Variants in PDE3A observed in about 807,000 individuals in gnomAD.
The protein encoded by PDE3A is cGMP-inhibited 3',5'-cyclic phosphodiesterase 3A.
In PDE3A, 43 loss-of-function variants were observed where a neutral mutation model predicts 98.3. The observed-to-expected ratio is 0.44, with a 90% CI of 0.34 to 0.56. The LOEUF (loss-of-function observed/expected upper bound fraction) is 0.56, where lower values mean the gene tolerates loss of function less well. Ranked by LOEUF, PDE3A falls within the 20% of genes least tolerant of loss-of-function variation. The probability of loss-of-function intolerance (pLI) is 0.01; values close to 1 mark genes in which losing one functional copy is unlikely to be tolerated. For missense variants in PDE3A, 1,427 were observed against 1,440.7 expected (o/e 0.99, Z 0.15); for synonymous variants, 663 against 567.9 (o/e 1.17, Z -2.38).
chr12:20,490,966 C>T (rs150849331), intron 1 of PDE3A, among the ~76,000 whole-genome samples: 7 of 152,056 alleles, frequency 4.6e-5, no homozygotes, highest in South Asian at 2.1e-4. Flanking sequence ...CCAGATATGA[C>T]GGTATGTGCC....
chr12:20,627,852 C>T (rs1323546041), intron 5 of PDE3A, among the ~76,000 whole-genome samples: 1 of 152,134 alleles, frequency 6.6e-6, no homozygotes, highest in East Asian at 1.9e-4. Flanking sequence ...ACAGATACCT[C>T]GGTAAACTTT....
intron 5 of PDE3A, among the ~76,000 whole-genome samples, chr12:20,623,824 G>GGATGTATTCTAGAAAGAATTTATGAT (rs1944196852): frequency 6.6e-6 from 1 of 151,964 alleles, no homozygotes; most frequent in African/African-American, 2.4e-5. Flanking sequence ...AATTTATGAT[G>GGATGTATTCTAGAAAGAATTTATGAT]GATGTATTCT....
chr12:20,456,705 G>T (rs1166673409), intron 1 of PDE3A, among the ~76,000 whole-genome samples: 1 of 152,044 alleles, frequency 6.6e-6, no homozygotes, highest in Non-Finnish European at 1.5e-5. Flanking sequence ...ATTGCATGGG[G>T]GTGCAACTAG....
intron 1 of PDE3A, among the ~76,000 whole-genome samples, chr12:20,471,082 T>A (rs756826713): frequency 2.7e-5 from 4 of 148,834 alleles, no homozygotes; most frequent in African/African-American, 1.0e-4. Flanking sequence ...ATTTCTGTGT[T>A]TTAAGCCACC....
intron 1 of PDE3A, among the ~76,000 whole-genome samples, chr12:20,536,274 C>G (rs1469745519): frequency 4.6e-5 from 7 of 151,952 alleles, no homozygotes; most frequent in African/African-American, 1.7e-4. Flanking sequence ...CAGTGCTTCT[C>G]AAATTTAAAT....
chr12:20,620,347 T>C (rs1944103695), intron 4 of PDE3A, among the ~76,000 whole-genome samples: 2 of 152,150 alleles, frequency 1.3e-5, no homozygotes, highest in African/African-American at 4.8e-5. Flanking sequence ...AGTACCAAAT[T>C]TACTAGTGCT....
At chr12:20,522,330 C>A (rs1311055772) in intron 1 of PDE3A, among the ~76,000 whole-genome samples, 1 of 152,166 alleles carries the variant, frequency 6.6e-6, no homozygotes, top group Non-Finnish European at 1.5e-5. Context: ...GCTAGAAATG[C>A]AAATTCTCAA....
chr12:20,604,834 T>C (rs567888899), intron 2 of PDE3A, among the ~76,000 whole-genome samples: 43 of 152,340 alleles, frequency 2.8e-4, no homozygotes, highest in African/African-American at 1.0e-3. Context: ...CTGAAGTGAC[T>C]GGAGTTTCAG....
chr12:20,671,873 TA>T, intron 15 of PDE3A, among the ~76,000 whole-genome samples: 1 of 147,172 alleles, frequency 6.8e-6, no homozygotes, highest in East Asian at 2.0e-4. Context: ...GAGAAGGAAA[TA>T]AAGGGTATTC....
chr12:20,658,983 T>C (rs1945100401), intron 15 of PDE3A, among the ~76,000 whole-genome samples: 1 of 152,136 alleles, frequency 6.6e-6, no homozygotes, highest in South Asian at 2.1e-4. Context: ...AATATGTCTG[T>C]CATAAAACAT....
At chr12:20,577,345 C>T (rs1354029896) in intron 2 of PDE3A, among the ~76,000 whole-genome samples, 1 of 152,064 alleles carries the variant, frequency 6.6e-6, no homozygotes. Context: ...CTGATACATA[C>T]CTTGTTTGCC....
chr12:20,661,782 G>A (rs1286226187), intron 15 of PDE3A, among the ~76,000 whole-genome samples: 1 of 152,192 alleles, frequency 6.6e-6, no homozygotes. Context: ...TCAGGCAGAA[G>A]TTTGCTGCAG....
intron 10 of PDE3A, among the ~76,000 whole-genome samples, chr12:20,642,565 T>C (rs1944668876): frequency 6.6e-6 from 1 of 152,176 alleles, no homozygotes; most frequent in African/African-American, 2.4e-5. Flanking sequence ...AGGTAGTTTT[T>C]ATTTTCAAAG....
intron 1 of PDE3A, among the ~76,000 whole-genome samples, chr12:20,513,749 T>TA: frequency 6.6e-6 from 1 of 152,308 alleles, no homozygotes; most frequent in African/African-American, 2.4e-5. Flanking sequence ...ACACATCTGA[T>TA]AGAGATTCCA....
At chr12:20,612,569 T>C (rs1220003662) in intron 2 of PDE3A, among the ~76,000 whole-genome samples, 1 of 106,060 alleles carries the variant, frequency 9.4e-6, no homozygotes, top group Non-Finnish European at 2.0e-5. Flanking sequence ...TTTATACTTC[T>C]GTTTTTTCTC....
At chr12:20,618,183 A>G (rs1944050814) in intron 4 of PDE3A, among the ~76,000 whole-genome samples, 3 of 152,162 alleles carry the variant, frequency 2.0e-5, no homozygotes, top group Non-Finnish European at 2.9e-5. Context: ...ATTGTGAAGA[A>G]AGGAAATTCA....
At chr12:20,643,431 G>A (rs1051031402) in intron 10 of PDE3A, among the ~76,000 whole-genome samples, 10 of 152,154 alleles carry the variant, frequency 6.6e-5, no homozygotes, top group Non-Finnish European at 1.2e-4. Context: ...GAACAATGGA[G>A]ATGCCAGCAC....
Position 20,530,595 on chromosome 12 carries a change from G to A in PDE3A, c.961-26065G>A, listed in dbSNP as rs986866250. On this transcript the variant is annotated intron_variant, in intron 1 of 15. Transcript: ENST00000359062. Reference sequence around the variant, plus strand: ...CACTCTTAGCTCAGCCACACTCTGCGTAGCTGGAACTATAGGTGTATGCCA... The same window carrying A: ...CACTCTTAGCTCAGCCACACTCTGCATAGCTGGAACTATAGGTGTATGCCA... Among the ~76,000 whole-genome samples, 15 of 151,310 alleles carry A rather than the reference G, an allele frequency of 9.9e-5. No homozygotes were observed. The East Asian group carries it at 2.1e-3, about 22-fold the overall frequency.
At chr12:20,406,605 T>G (rs1287210227) in intron 1 of PDE3A, among the ~76,000 whole-genome samples, 1 of 152,218 alleles carries the variant, frequency 6.6e-6, no homozygotes, top group Non-Finnish European at 1.5e-5. Context: ...TTTTGGATAT[T>G]AATCTCTTAT....
Sources: gnomAD v4.1 joint callset for allele counts (sites outside exome capture counted in the v4.1 genomes callset) on GRCh38, gnomAD v4.1.1 for gene constraint, MANE v1.5 for transcripts, NCBI Gene and HGNC (gene_info 2026-07-23, HGNC 2026-07-21) for gene names.